The following PPP2R2C variants were observed in gnomAD, a reference collection of about 807,000 sequenced individuals.
The protein encoded by PPP2R2C is protein phosphatase 2 regulatory subunit Bgamma, also known as protein phosphatase 2, regulatory subunit B, gamma.
In PPP2R2C, 10 loss-of-function variants were observed where a neutral mutation model predicts 45.3. The observed-to-expected ratio is 0.22, with a 90% confidence interval of 0.14 to 0.37. The LOEUF is 0.37. PPP2R2C is among the 10% of genes least tolerant of loss of function. PPP2R2C has a pLI of 1.00. For missense variants in PPP2R2C, 308 were observed against 619.7 expected, an observed-to-expected ratio of 0.50 and a Z score of 5.34; for synonymous variants, 257 against 245.4, an observed-to-expected ratio of 1.05 and a Z score of -0.44.
chr4:6,342,676 G>C (rs1031990184), intron 6 of PPP2R2C, among the ~76,000 whole-genome samples: 4 of 152,176 alleles, frequency 2.6e-5, no homozygotes, highest in African/African-American at 9.7e-5. Context: ...GCTGTCATAA[G>C]CAGAAGTAAC....
chr4:6,403,450 G>A (rs987529755), intron 1 of PPP2R2C, among the ~76,000 whole-genome samples: 1 of 152,238 alleles, frequency 6.6e-6, no homozygotes, highest in Non-Finnish European at 1.5e-5. Flanking sequence ...TCTGTTTACA[G>A]CGGGGTGAGG....
intron 1 of PPP2R2C, among the ~76,000 whole-genome samples, chr4:6,410,297 C>G (rs1302810167): frequency 1.3e-5 from 2 of 152,192 alleles, no homozygotes; most frequent in African/African-American, 4.8e-5. Context: ...TTCTACAAAC[C>G]TCAGCGTGTG....
chr4:6,473,886 C>G (rs1722041796), upstream of PPP2R2C, among the ~76,000 whole-genome samples: 1 of 152,156 alleles, frequency 6.6e-6, no homozygotes, highest in Non-Finnish European at 1.5e-5. Context: ...AGATGAAAGC[C>G]CCCCAGCAGC....
At chr4:6,496,213 G>T (rs1178879907) in intron 2 of PPP2R2C, among the ~76,000 whole-genome samples, 3 of 152,158 alleles carry the variant, frequency 2.0e-5, no homozygotes, top group African/African-American at 7.2e-5. Context: ...CTGCAAATTA[G>T]ATCTTGGACA....
At position 6,382,532 on chromosome 4, in the gene PPP2R2C, T is replaced by C. The variant is rs759299705; in HGVS notation, c.71-1438A>G. 4 of 1,350,798 alleles carry C rather than the reference T, an allele frequency of 3.0e-6. No homozygotes were observed. The East Asian group carries it at 1.8e-4, about 62-fold the overall frequency. 83.7% of individuals were successfully genotyped at this position (1,350,798 alleles called of 1,614,324 possible). On this transcript the variant is annotated intron_variant, in intron 1 of 8. Transcript: ENST00000382599. ...GTCACCATAACTGAATTCTGATCCC[T>C]CCTCAGCCTCATCCTCTGCAGCTTC...
chr4:6,425,687 C>T (rs572869321), intron 1 of PPP2R2C, among the ~76,000 whole-genome samples: 1 of 152,302 alleles, frequency 6.6e-6, no homozygotes, highest in African/African-American at 2.4e-5. Flanking sequence ...AATGCAGGTC[C>T]CTGCCATCCC....
In PPP2R2C at chr4:6,510,993, A is replaced by AAAC. The variant is rs1186247901; in HGVS notation, c.49+24277_49+24278insGTT. ...CTCCGTCTCAAACAAAAAAAAACAA[A>AAAC]CAAACAAAAAAAAAAACAGAAAATG... On this transcript the variant is annotated intron_variant, in intron 2 of 9. Transcript: ENST00000506140. Among the ~76,000 whole-genome samples, 30 of 74,804 alleles carry AAAC rather than the reference A, an allele frequency of 4.0e-4. 2 individuals carry two copies. The highest frequency in any genetic ancestry group is 1.3e-3 in the African/African-American group (28 of 21,392). The allele number at this position is 74,804 out of a possible 152,430, so 49.1% of individuals were successfully genotyped here.
chr4:6,530,410 G>A (rs561745889), intron 2 of PPP2R2C, among the ~76,000 whole-genome samples: 25 of 152,280 alleles, frequency 1.6e-4, no homozygotes, highest in Non-Finnish European at 3.2e-4. Context: ...CAGCCCAGCA[G>A]CCCCGTGAAA....
At position 6,364,965 on chromosome 4, in the gene PPP2R2C, A is replaced by G. The variant is rs1019950900; in HGVS notation, c.625+7558T>C. The stretch of plus-strand genomic sequence containing the variant: ...GAAAGTTCACCTGGATAGCATCAGG[A>G]TCCCCATTCACTCAGAAAGTGCCTT... On this transcript the variant is annotated intron_variant, in intron 5 of 8. Coordinates refer to ENST00000382599, the MANE Select transcript of PPP2R2C (RefSeq NM_020416.4). The surrounding 1 kb of genome is among the most constrained non-coding windows in gnomAD (Gnocchi z 5.3). Among the ~76,000 whole-genome samples, 1 of 152,192 alleles carries G rather than the reference A, an allele frequency of 6.6e-6. No individual in the cohort carries two copies. The highest frequency in any genetic ancestry group is 1.5e-5 in the Non-Finnish European group (1 of 68,024).
chr4:6,504,784 T>C (rs1318239413), intron 2 of PPP2R2C, among the ~76,000 whole-genome samples: 2 of 152,116 alleles, frequency 1.3e-5, no homozygotes, highest in Non-Finnish European at 2.9e-5. Flanking sequence ...GTTAAAATAA[T>C]AACCCAGCCT....
intron 1 of PPP2R2C, among the ~76,000 whole-genome samples, chr4:6,424,654 C>T (rs919473398): frequency 1.3e-5 from 2 of 152,174 alleles, no homozygotes; most frequent in Admixed American, 6.5e-5. Context: ...GCCTGCTGAA[C>T]AGCTGCTGGG....
chr4:6,480,337 G>A (rs115287905), intron 2 of PPP2R2C, among the ~76,000 whole-genome samples: 20 of 152,126 alleles, frequency 1.3e-4, no homozygotes, highest in Non-Finnish European at 2.4e-4. Flanking sequence ...ATGGTGTGCC[G>A]GAGCTTGCCC....
chr4:6,353,294 GC>G (rs1265360316), intron 5 of PPP2R2C, among the ~76,000 whole-genome samples: 1 of 90,334 alleles, frequency 1.1e-5, no homozygotes, highest in African/African-American at 4.8e-5. Context: ...CACACCGACA[GC>G]CCCCAACACC....
At chr4:6,509,392 C>T (rs943539559) in intron 2 of PPP2R2C, among the ~76,000 whole-genome samples, 7 of 151,366 alleles carry the variant, frequency 4.6e-5, no homozygotes. Context: ...AGCTAAAACA[C>T]AAGAGATATT....
chr4:6,504,969 A>G (rs1282946481), intron 2 of PPP2R2C, among the ~76,000 whole-genome samples: 2 of 152,192 alleles, frequency 1.3e-5, no homozygotes, highest in African/African-American at 4.8e-5. Context: ...CAGGGAAAAA[A>G]ACACAAAGAA....
chr4:6,390,694 G>A lies in PPP2R2C; in HGVS notation c.71-9600C>T, dbSNP rs540708170. Among the ~76,000 whole-genome samples the A allele has an allele frequency of 6.2e-4, 94 of 152,286 alleles. No homozygotes were observed. In the South Asian group the frequency reaches 9.3e-3, roughly 15 times the overall value. ...AAGACCTCATTCCGGGCCAGGGAAC[G>A]GAATATCCCTGATGGGATTTTATGT... On this transcript the variant is annotated intron_variant, in intron 1 of 8. Transcript: ENST00000382599.
At chr4:6,325,505 C>T (rs1170659107) in intron 8 of PPP2R2C, among the ~76,000 whole-genome samples, 4 of 152,192 alleles carry the variant, frequency 2.6e-5, no homozygotes, top group Non-Finnish European at 5.9e-5. Flanking sequence ...CTTTGTTCTT[C>T]AGGGAACAGT....
chr4:6,410,687 C>A (rs1262232542), intron 1 of PPP2R2C, among the ~76,000 whole-genome samples: 1 of 151,866 alleles, frequency 6.6e-6, no homozygotes, highest in Non-Finnish European at 1.5e-5. Flanking sequence ...ACAGGGGAGA[C>A]GTGGAGAAGC....
chr4:6,452,070 G>A (rs1205801088), intron 1 of PPP2R2C, among the ~76,000 whole-genome samples: 2 of 152,158 alleles, frequency 1.3e-5, no homozygotes, highest in African/African-American at 4.8e-5. Flanking sequence ...CTCTGCCCCA[G>A]AGTGGCCTGT....
Sources: allele counts gnomAD v4.1 joint callset (sites outside exome capture counted in the v4.1 genomes callset), GRCh38; gene constraint gnomAD v4.1.1; non-coding constraint Gnocchi (gnomAD v3.1); transcripts MANE v1.5; gene names NCBI Gene and HGNC (gene_info 2026-07-23, HGNC 2026-07-21).